The following LAMC1 variants were observed in gnomAD, a reference collection of about 807,000 sequenced individuals.
LAMC1 encodes the protein laminin subunit gamma-1.
In LAMC1, 38 loss-of-function variants were observed where a neutral mutation model predicts 173.6. The observed-to-expected ratio is 0.22, with a 90% CI of 0.17 to 0.29. The LOEUF is 0.29. Among genes scored for constraint, LAMC1 ranks in the 10% least tolerant of loss-of-function variants. The probability of loss-of-function intolerance (pLI) is 1.00; values close to 1 mark genes in which losing one functional copy is unlikely to be tolerated. For synonymous variants in LAMC1, 746 were observed against 749.1 expected, an observed-to-expected ratio of 1.00 and a Z score of 0.07; for missense variants, 1,824 against 2,051.8, an observed-to-expected ratio of 0.89 and a Z score of 2.14.
intron 1 of LAMC1, among the ~76,000 whole-genome samples, chr1:183,049,037 C>A (rs1459201453): frequency 2.0e-5 from 3 of 152,144 alleles, no homozygotes; most frequent in Admixed American, 2.0e-4. Context: ...TAATATAGTT[C>A]TTTGCATCTA....
intron 1 of LAMC1, 68 bp from the exon 2 acceptor site, chr1:183,103,260 C>G: frequency 7.1e-7 from 1 of 1,412,024 alleles, no homozygotes. Flanking sequence ...CCAAACTAAG[C>G]TGGGAATAGA....
Position 183,125,510 on chromosome 1 carries a change from C to G in LAMC1, c.2761C>G (p.Pro921Ala), listed in dbSNP as rs138200072. ...TGGCCAGGACTGTGGTGCTTGTGAC[C>G]CTGGATTCTACAATCTGCAGAGTGG... ...VTGQDCGACD[P>A]GFYNLQSGQG... The change falls in exon 15 of 28, where the codon CCT (proline) becomes GCT (alanine). Residue 921 changes from proline (P) to alanine (A), a missense_variant. By Grantham distance (27) the Pro-to-Ala change is conservative. Coordinates refer to ENST00000258341, the MANE Select transcript of LAMC1 (RefSeq NM_002293.4). 401 of 1,612,046 alleles carry G rather than the reference C, an allele frequency of 2.5e-4. No homozygotes were observed. The highest frequency in any genetic ancestry group is 3.1e-4 in the Non-Finnish European group (371 of 1,179,010).
At chr1:183,025,854 A>G (rs754176996) in intron 1 of LAMC1, among the ~76,000 whole-genome samples, 25 of 152,234 alleles carry the variant, frequency 1.6e-4, no homozygotes, top group Admixed American at 6.5e-4. Context: ...GGGGTTGTCA[A>G]TCTTGGCTCT....
rs1233879705 is a variant in LAMC1, at chr1:183,134,791, A to G, written c.3981A>G (p.Lys1327=). ...TTGAAGTCAAGAACCTTCTGGAGAA[A>G]GGCAAGACTGAACAGCAGGTTGGTT... The part of the protein sequence containing the change: ...KELEVKNLLE[K]GKTEQQTADQ... Residue 1327 remains lysine (K), a synonymous_variant, in exon 23 of 28, where the codon AAA becomes AAG. Transcript: ENST00000258341. The G allele has an allele frequency of 6.2e-7, 1 of 1,613,130 alleles. No individual in the cohort carries two copies. Among genetic ancestry groups the G allele is most frequent in the East Asian group, 2.2e-5 (1 of 44,886 alleles).
chr1:183,131,267 C>A, intron 19 of LAMC1, 32 bp from the exon 20 acceptor site: 5 of 1,550,832 alleles, frequency 3.2e-6, no homozygotes, highest in African/African-American at 1.4e-5. Flanking sequence ...TAATTCAGTC[C>A]TTTGAGAATA....
In LAMC1 at chr1:183,134,634, G is replaced by A. The variant is rs779392886; in HGVS notation, c.3850-26G>A. 5 of 1,593,636 alleles carry A rather than the reference G, an allele frequency of 3.1e-6. No homozygotes were observed. In the South Asian group the frequency reaches 3.4e-5, roughly 11 times the overall value. ...TTAGTTTAAATGTTTTATCCAAAGT[G>A]TAGTGATCTTACTTGCTTTTCACAG... On this transcript the variant is annotated intron_variant, in intron 22 of 27. Transcript: ENST00000258341.
chr1:183,038,768 G>A (rs1654049026), intron 1 of LAMC1, among the ~76,000 whole-genome samples: 1 of 152,084 alleles, frequency 6.6e-6, no homozygotes, highest in South Asian at 2.1e-4. Context: ...AAAACTGTAA[G>A]GAATAAATAA....
chr1:183,076,618 C>G (rs1307404038), intron 1 of LAMC1, among the ~76,000 whole-genome samples: 1 of 152,196 alleles, frequency 6.6e-6, no homozygotes, highest in Non-Finnish European at 1.5e-5. Flanking sequence ...CCAGCATATC[C>G]TACCTTTGTA....
At chr1:183,067,819 T>C (rs976766815) in intron 1 of LAMC1, among the ~76,000 whole-genome samples, 1 of 152,118 alleles carries the variant, frequency 6.6e-6, no homozygotes, top group Non-Finnish European at 1.5e-5. Flanking sequence ...AATTTTTTTA[T>C]TTTTGGCTTG....
chr1:183,090,137 T>C (rs556879079), intron 1 of LAMC1, among the ~76,000 whole-genome samples: 5 of 152,340 alleles, frequency 3.3e-5, no homozygotes, highest in South Asian at 2.1e-4. Context: ...GGAACACTTA[T>C]TCTATTTTAT....
intron 1 of LAMC1, among the ~76,000 whole-genome samples, chr1:183,096,030 TA>T (rs1655684529): frequency 6.6e-6 from 1 of 152,212 alleles, no homozygotes; most frequent in Non-Finnish European, 1.5e-5. Context: ...ATTCCTATGA[TA>T]AGTCAATTTT....
chr1:183,117,095 C>A, intron 8 of LAMC1, 192 bp downstream of exon 8: 3 of 714,244 alleles, frequency 4.2e-6, no homozygotes, highest in Non-Finnish European at 6.6e-6. Context: ...GAATTTATCT[C>A]AATGAATGGT....
intron 1 of LAMC1, chr1:183,096,546 T>G (rs934025351): frequency 6.6e-6 from 1 of 152,256 alleles, no homozygotes; most frequent in Non-Finnish European, 1.5e-5. Context: ...TAGGAAGTGC[T>G]TATTGCCTGT....
At position 183,116,882 on chromosome 1, in the gene LAMC1, A is replaced by G. The variant is rs150263347; in HGVS notation, c.1543A>G (p.Ile515Val). The change falls in exon 8 of 28, where the codon ATC (isoleucine) becomes GTC (valine). Residue 515 changes from isoleucine to valine, a missense_variant. Transcript: ENST00000258341. ...TNAVGYSVYS[I>V]SSTFQIDEDG... ...CGCTGTTGGCTACAGTGTTTATTCT[A>G]TCTCCTCTACCTTTCAGATTGGTAA... 8.1e-5 allele frequency: 130 copies of G among 1,614,022 alleles called. No homozygotes were observed. In the African/African-American group the frequency reaches 1.1e-3, roughly 13 times the overall value.
At chr1:183,140,274 AGGTTTC>A in intron 26 of LAMC1, 124 bp from the exon 27 acceptor site, 2 of 316,752 alleles carry the variant, frequency 6.3e-6, no homozygotes, top group South Asian at 3.7e-5. Context: ...AAGCAATGAG[AGGTTTC>A]AATTTCCTAA....
At chr1:183,028,915 G>A (rs554321575) in intron 1 of LAMC1, among the ~76,000 whole-genome samples, 1 of 152,216 alleles carries the variant, frequency 6.6e-6, no homozygotes, top group South Asian at 2.1e-4. Flanking sequence ...GTTGGTTATG[G>A]TCAATTTGGG....
intron 1 of LAMC1, among the ~76,000 whole-genome samples, chr1:183,038,977 ATTTAATC>A (rs1054591109): frequency 6.6e-6 from 1 of 152,156 alleles, no homozygotes; most frequent in African/African-American, 2.4e-5. Context: ...GGTTTAATTT[ATTTAATC>A]TCTTACCAAA....
chr1:183,082,826 A>C (rs2102052069), intron 1 of LAMC1, among the ~76,000 whole-genome samples: 1 of 152,360 alleles, frequency 6.6e-6, no homozygotes, highest in East Asian at 1.9e-4. Context: ...AGTCAAAGTT[A>C]GAACTGTGAC....
chr1:183,121,686 G>A (rs1248760118), intron 11 of LAMC1, 37 bp from the exon 12 acceptor site: 4 of 1,559,718 alleles, frequency 2.6e-6, no homozygotes, highest in South Asian at 2.4e-5. Flanking sequence ...TGGAAAACAA[G>A]CCAGTTCAGT....
Sources: allele counts gnomAD v4.1 joint callset (sites outside exome capture counted in the v4.1 genomes callset), GRCh38; gene constraint gnomAD v4.1.1; transcripts MANE v1.5; gene names NCBI Gene and HGNC (gene_info 2026-07-23, HGNC 2026-07-21).